The following UVRAG variants were observed in gnomAD, a reference collection of about 807,000 sequenced individuals.
UVRAG encodes UV radiation resistance associated, also known as UV radiation resistance-associated gene protein.
In UVRAG, 19 loss-of-function variants were observed where a neutral mutation model predicts 78.0. That is an observed-to-expected ratio of 0.24 (90% CI 0.17 to 0.36). The LOEUF is 0.36. Ranked by LOEUF, UVRAG falls within the 10% of genes least tolerant of loss-of-function variation. The pLI is 1.00. For missense variants in UVRAG, 740 were observed against 853.8 expected (o/e 0.87, Z 1.66); for synonymous variants, 323 against 324.6 (o/e 1.00, Z 0.05).
At chr11:76,106,961 C>A (rs1200086603) in intron 13 of UVRAG, among the ~76,000 whole-genome samples, 3 of 152,180 alleles carry the variant, frequency 2.0e-5, no homozygotes, top group South Asian at 4.2e-4. Context: ...ATTGCAGTTG[C>A]ATCCAAGGTT....
At chr11:75,852,483 A>G (rs1333314060) in intron 2 of UVRAG, among the ~76,000 whole-genome samples, 1 of 152,138 alleles carries the variant, frequency 6.6e-6, no homozygotes, top group Non-Finnish European at 1.5e-5. Context: ...GAAAAATTCT[A>G]AGAGTAGACC....
chr11:76,052,982 T>C (rs1278212740), intron 12 of UVRAG, among the ~76,000 whole-genome samples: 1 of 148,862 alleles, frequency 6.7e-6, no homozygotes, highest in Non-Finnish European at 1.5e-5. Context: ...TATAAATATA[T>C]ATAGTTTATA....
At chr11:76,001,841 G>C (rs574754859) in intron 8 of UVRAG, among the ~76,000 whole-genome samples, 1 of 152,122 alleles carries the variant, frequency 6.6e-6, no homozygotes, top group East Asian at 1.9e-4. Flanking sequence ...AGAGAAGATG[G>C]GGGGGCTTCT....
rs114069233 is a variant in UVRAG, at chr11:75,886,324, C to T, written c.433-2505C>T. 2.6e-4 allele frequency among the ~76,000 whole-genome samples: 39 copies of T among 152,146 alleles called. No individual in the cohort carries two copies. In the South Asian group the frequency reaches 8.1e-3, roughly 32 times the overall value. On this transcript the variant is annotated intron_variant, in intron 4 of 14. Coordinates refer to ENST00000356136, the MANE Select transcript of UVRAG (RefSeq NM_003369.4). Reference sequence around the variant, plus strand: ...TTCTTTAAGTGTATATTTTTATTTTCTTCTAATTTTGTTTGTGGACAATTT... The same window carrying T: ...TTCTTTAAGTGTATATTTTTATTTTTTTCTAATTTTGTTTGTGGACAATTT...
chr11:76,058,400 G>C (rs1410031133), intron 12 of UVRAG, among the ~76,000 whole-genome samples: 1 of 151,844 alleles, frequency 6.6e-6, no homozygotes, highest in Non-Finnish European at 1.5e-5. Flanking sequence ...AGGTGTGGTA[G>C]TGCACACCTG....
intron 13 of UVRAG, among the ~76,000 whole-genome samples, chr11:76,115,539 G>T (rs919775928): frequency 6.6e-5 from 10 of 152,172 alleles, no homozygotes; most frequent in Admixed American, 3.3e-4. Flanking sequence ...CTGGTTTTCT[G>T]GTATATGTCC....
chr11:75,965,713 A>G (rs1279845755), intron 7 of UVRAG, among the ~76,000 whole-genome samples: 2 of 152,078 alleles, frequency 1.3e-5, no homozygotes, highest in African/African-American at 4.8e-5. Flanking sequence ...TTAAATTTTT[A>G]TTTCTCATTC....
At chr11:76,105,792 T>C (rs1339653731) in intron 13 of UVRAG, among the ~76,000 whole-genome samples, 1 of 152,112 alleles carries the variant, frequency 6.6e-6, no homozygotes, top group Admixed American at 6.6e-5. Context: ...ATTGAGACAC[T>C]ACTATACAAC....
chr11:75,840,835 A>G (rs1945892449), intron 1 of UVRAG, among the ~76,000 whole-genome samples: 1 of 152,184 alleles, frequency 6.6e-6, no homozygotes, highest in Admixed American at 6.5e-5. Flanking sequence ...AAATTTTCAT[A>G]GTGAGGCTTT....
chr11:76,020,000 A>G (rs1359050091), intron 12 of UVRAG, among the ~76,000 whole-genome samples: 1 of 152,142 alleles, frequency 6.6e-6, no homozygotes, highest in African/African-American at 2.4e-5. Context: ...TTAGAAATCT[A>G]TCTGGTTCTC....
Position 76,016,932 on chromosome 11 carries a change from C to T in UVRAG, c.1178C>T (p.Ser393Leu). 6.2e-7 allele frequency: 1 copy of T among 1,608,206 alleles called. No homozygotes were observed. The highest frequency in any genetic ancestry group is 8.5e-7 in the Non-Finnish European group (1 of 1,176,712). ...RYPIIHKGSR[S>L]TIKDNINDKL... ...CCTATAATTCATAAGGGGTCTAGAT[C>T]AACAATCAAAGACAATATCAATGAC... The change falls in exon 12 of 15, where the codon TCA becomes TTA. Residue 393 changes from serine to leucine, a missense_variant. Transcript: ENST00000356136.
intron 5 of UVRAG, among the ~76,000 whole-genome samples, chr11:75,902,415 C>T (rs545867603): frequency 4.6e-5 from 7 of 152,292 alleles, no homozygotes; most frequent in South Asian, 4.1e-4. Context: ...CTAATGCCCA[C>T]GCTGATCTGA....
intron 8 of UVRAG, 107 bp downstream of exon 8, chr11:75,983,620 A>G: frequency 1.5e-6 from 2 of 1,360,252 alleles, no homozygotes; most frequent in Non-Finnish European, 1.9e-6. Flanking sequence ...ACAGTCACAC[A>G]TCACTTAATG....
chr11:75,850,706 A>G (rs1439244530), intron 1 of UVRAG, among the ~76,000 whole-genome samples: 2 of 152,242 alleles, frequency 1.3e-5, no homozygotes, highest in East Asian at 3.8e-4. Context: ...AGTGTGTAGC[A>G]GGAGAAAATT....
At chr11:76,065,477 C>T (rs1010568132) in intron 12 of UVRAG, among the ~76,000 whole-genome samples, 1 of 152,200 alleles carries the variant, frequency 6.6e-6, no homozygotes, top group Non-Finnish European at 1.5e-5. Context: ...CTTTCTTAAA[C>T]ATTAGTTCCT....
chr11:75,822,143 C>T (rs1945406882), intron 1 of UVRAG, among the ~76,000 whole-genome samples: 1 of 151,938 alleles, frequency 6.6e-6, no homozygotes, highest in Non-Finnish European at 1.5e-5. Context: ...GGGGTTTCAC[C>T]ATGTTGGCCA....
chr11:76,093,122 G>T (rs1044284851), intron 13 of UVRAG, among the ~76,000 whole-genome samples: 4 of 152,168 alleles, frequency 2.6e-5, no homozygotes, highest in African/African-American at 9.7e-5. Context: ...TTTTTGTCAG[G>T]TTTGTCAAAG....
chr11:75,965,076 C>T (rs1194153143), intron 7 of UVRAG, among the ~76,000 whole-genome samples: 2 of 151,974 alleles, frequency 1.3e-5, no homozygotes, highest in South Asian at 2.1e-4. Context: ...TTTCTGGGTT[C>T]TTTATATTTC....
chr11:75,826,698 T>C (rs1251073364), intron 1 of UVRAG, among the ~76,000 whole-genome samples: 3 of 151,956 alleles, frequency 2.0e-5, no homozygotes, highest in African/African-American at 7.2e-5. Context: ...CCTATCTTTT[T>C]TTTTTTTTTT....
Sources: gnomAD v4.1 joint callset for allele counts (sites outside exome capture counted in the v4.1 genomes callset) on GRCh38, gnomAD v4.1.1 for gene constraint, MANE v1.5 for transcripts, NCBI Gene and HGNC (gene_info 2026-07-23, HGNC 2026-07-21) for gene names.